The following TALDO1 variants were observed in gnomAD, a reference collection of about 807,000 sequenced individuals.
TALDO1 encodes the protein transaldolase 1.
A neutral mutation model predicts 38.1 loss-of-function variants in TALDO1; 29 were observed. The ratio of observed to expected loss-of-function variants is 0.76; its 90% CI spans 0.57 to 1.04. TALDO1 has a LOEUF of 1.04. TALDO1 is among the 50% of genes least tolerant of loss of function. The probability of loss-of-function intolerance (pLI) is 0.00; values close to 1 mark genes in which losing one functional copy is unlikely to be tolerated. For synonymous variants in TALDO1, 207 were observed against 176.8 expected, an observed-to-expected ratio of 1.17 and a Z score of -1.36; for missense variants, 499 against 438.1, an observed-to-expected ratio of 1.14 and a Z score of -1.24.
At chr11:764,533 C>T in intron 7 of TALDO1, 100 bp downstream of exon 7, 1 of 1,539,160 alleles carries the variant, frequency 6.5e-7, no homozygotes, top group Non-Finnish European at 8.8e-7. Flanking sequence ...TTTGGTGAGA[C>T]CCCAGGTCTC....
intron 2 of TALDO1, among the ~76,000 whole-genome samples, chr11:756,640 C>T (rs1383561014): frequency 6.6e-6 from 1 of 151,866 alleles, no homozygotes; most frequent in Non-Finnish European, 1.5e-5. Flanking sequence ...CTCAGCCTGC[C>T]GAGCAGCTGG....
chr11:755,760 C>T lies in TALDO1; in HGVS notation c.98-119C>T, dbSNP rs900105426. 3.0e-5 allele frequency: 44 copies of T among 1,486,980 alleles called. No individual in the cohort carries two copies. In the African/African-American group the frequency reaches 3.0e-4, roughly 10 times the overall value. The allele number at this position is 1,486,980 out of a possible 1,614,324, so 92.1% of individuals were successfully genotyped here. On this transcript the variant is annotated intron_variant, in intron 1 of 7. Transcript: ENST00000319006. The stretch of plus-strand genomic sequence containing the variant: ...AGGTGTGAGAAGTGTGGCTGGACCC[C>T]GCTTTCGGAAATGCTCTGGACTCCC...
In TALDO1 at chr11:764,730, C is replaced by A; in HGVS notation, c.982-83C>A. On this transcript the variant is annotated intron_variant, in intron 7 of 7. Transcript: ENST00000319006. ...GAGTGCAGACCCCACAAGGGCCTCCCTCCTTCCACATGGTGCCTTGTGAGG... is the reference window on the plus strand; with the variant it reads ...GAGTGCAGACCCCACAAGGGCCTCCATCCTTCCACATGGTGCCTTGTGAGG... 3 of 1,605,560 alleles carry A rather than the reference C, an allele frequency of 1.9e-6. No homozygotes were observed. In the South Asian group the frequency reaches 3.3e-5, roughly 18 times the overall value.
intron 4 of TALDO1, 147 bp downstream of exon 4, chr11:760,400 C>T: frequency 8.2e-7 from 1 of 1,218,780 alleles, no homozygotes; most frequent in Non-Finnish European, 1.2e-6. Flanking sequence ...TTGACCAGCT[C>T]ATGTCAGCCT....
chr11:760,369 A>T, intron 4 of TALDO1, 116 bp downstream of exon 4: 1 of 1,502,370 alleles, frequency 6.7e-7, no homozygotes, highest in East Asian at 2.3e-5. Flanking sequence ...CAGACTGGGG[A>T]GCACAGCCCA....
intron 4 of TALDO1, among the ~76,000 whole-genome samples, chr11:761,266 G>A (rs547050293): frequency 1.3e-5 from 2 of 151,088 alleles, no homozygotes; most frequent in East Asian, 3.9e-4. Context: ...AACCTGGGAG[G>A]TGGACGTTGC....
At chr11:762,930 C>T (rs1862964101) in intron 4 of TALDO1, among the ~76,000 whole-genome samples, 1 of 152,148 alleles carries the variant, frequency 6.6e-6, no homozygotes, top group Non-Finnish European at 1.5e-5. Context: ...GGAGCTGAGC[C>T]CTGGTGAGTT....
chr11:748,097 T>A (rs1395266272), intron 1 of TALDO1, among the ~76,000 whole-genome samples: 1 of 152,236 alleles, frequency 6.6e-6, no homozygotes, highest in Non-Finnish European at 1.5e-5. Context: ...CAGGAGAGAT[T>A]CAGGGTAGAG....
chr11:760,042 C>G, intron 3 of TALDO1, 80 bp from the exon 4 acceptor site: 1 of 1,597,918 alleles, frequency 6.3e-7, no homozygotes, highest in Non-Finnish European at 8.5e-7. Flanking sequence ...AACTGACAGG[C>G]AGACACCCGG....
chr11:764,237 A>G (rs1863009463), intron 6 of TALDO1, 51 bp from the exon 7 acceptor site: 1 of 1,613,758 alleles, frequency 6.2e-7, no homozygotes, highest in Non-Finnish European at 8.5e-7. Context: ...CAAGGGGCCA[A>G]GGTGGGCAGG....
intron 2 of TALDO1, 174 bp downstream of exon 2, chr11:756,176 T>C: frequency 1.1e-6 from 1 of 911,578 alleles, no homozygotes; most frequent in Non-Finnish European, 1.6e-6. Context: ...TGAAGTAACC[T>C]GCACCTGTGG....
intron 4 of TALDO1, 93 bp from the exon 5 acceptor site, chr11:763,251 A>ACC (rs1564994066): frequency 3.7e-5 from 2 of 53,444 alleles, no homozygotes; most frequent in African/African-American, 3.2e-4. Flanking sequence ...GCCCTCACCC[A>ACC]TCCCCGCCCT....
Position 764,803 on chromosome 11 carries a change from T to C in TALDO1, c.982-10T>C. The C allele has an allele frequency of 6.2e-7, 1 of 1,613,952 alleles. No homozygotes were observed. ...TGGGGAGACACAGCTCGTGCTCTGTTTGTTTCTAGGAACGAATGTTCAATG... is the reference window on the plus strand; with the variant it reads ...TGGGGAGACACAGCTCGTGCTCTGTCTGTTTCTAGGAACGAATGTTCAATG... On this transcript the variant is annotated splice_polypyrimidine_tract_variant and intron_variant, in intron 7 of 7. Coordinates refer to ENST00000319006, the MANE Select transcript of TALDO1 (RefSeq NM_006755.2).
At chr11:749,200 C>T (rs1205639572) in intron 1 of TALDO1, among the ~76,000 whole-genome samples, 2 of 152,004 alleles carry the variant, frequency 1.3e-5, no homozygotes, top group Admixed American at 1.3e-4. Flanking sequence ...GTCAGGAGTT[C>T]GAGACCAGCC....
chr11:763,043 A>G (rs1206544115), intron 4 of TALDO1, among the ~76,000 whole-genome samples: 3 of 152,188 alleles, frequency 2.0e-5, no homozygotes, highest in Non-Finnish European at 4.4e-5. Flanking sequence ...CTGGTCACCC[A>G]TAACCCACTA....
Position 759,022 on chromosome 11 carries a change from G to C in TALDO1, c.294G>C (p.Lys98Asn). The change falls in exon 3 of 8, where the codon AAG (lysine) becomes AAC (asparagine). Residue 98 changes from lysine (K) to asparagine (N), a missense_variant. Lys to Asn is a moderately conservative substitution (Grantham distance 94, BLOSUM62 0). Coordinates refer to ENST00000319006, the MANE Select transcript of TALDO1 (RefSeq NM_006755.2). ...FVLFGAEILK[K>N]IPGRVSTEVD... is the part of the protein sequence containing the mutation. The stretch of plus-strand genomic sequence containing the variant: ...TGTTTGGAGCAGAAATACTAAAGAA[G>C]ATTCCGGGCCGAGTATCCACAGAAG... 6.2e-7 allele frequency: 1 copy of C among 1,613,226 alleles called. No homozygotes were observed. The highest frequency in any genetic ancestry group is 1.7e-4 in the Middle Eastern group (1 of 6,060).
intron 1 of TALDO1, among the ~76,000 whole-genome samples, chr11:747,866 G>T (rs1862688092): frequency 6.6e-6 from 1 of 152,176 alleles, no homozygotes; most frequent in Non-Finnish European, 1.5e-5. Flanking sequence ...GAGGAGCTGG[G>T]GTCAGCCGTG....
intron 4 of TALDO1, among the ~76,000 whole-genome samples, chr11:762,760 T>C (rs1227808246): frequency 6.6e-6 from 1 of 152,242 alleles, no homozygotes; most frequent in Non-Finnish European, 1.5e-5. Context: ...ATGTCCAAAG[T>C]GCACTGGGAT....
rs1256640159 is a variant in TALDO1, at chr11:755,942, A to G, written c.161A>G (p.Gln54Arg). The G allele has an allele frequency of 6.2e-7, 1 of 1,614,170 alleles. No homozygotes were observed. The highest frequency in any genetic ancestry group is 1.1e-5 in the South Asian group (1 of 91,082). ...TNPSLILAAAQMPAYQELVEE... is the reference protein window; with the variant it reads ...TNPSLILAAARMPAYQELVEE... ...CCGTCCCTGATCCTGGCCGCAGCACAGATGCCCGCTTACCAGGAGCTGGTG... is the reference window on the plus strand; with the variant it reads ...CCGTCCCTGATCCTGGCCGCAGCACGGATGCCCGCTTACCAGGAGCTGGTG... Residue 54 changes from glutamine (Q) to arginine (R), a missense_variant, in exon 2 of 8, where the codon CAG becomes CGG. Physicochemically the swap from Gln to Arg is conservative, Grantham distance 43. Coordinates refer to ENST00000319006, the MANE Select transcript of TALDO1 (RefSeq NM_006755.2).
Sources: gnomAD v4.1 joint callset for allele counts (sites outside exome capture counted in the v4.1 genomes callset) on GRCh38, gnomAD v4.1.1 for gene constraint, MANE v1.5 for transcripts, NCBI Gene and HGNC (gene_info 2026-07-23, HGNC 2026-07-21) for gene names.